The following CHRM3 variants were observed in gnomAD, a reference collection of about 807,000 sequenced individuals.
The protein encoded by CHRM3 is cholinergic receptor muscarinic 3.
CHRM3 carries 11 observed loss-of-function variants against 41.8 expected under a neutral mutation model. The observed-to-expected ratio is 0.26, with a 90% CI of 0.17 to 0.44. The LOEUF is 0.44. Among genes scored for constraint, CHRM3 ranks in the 20% least tolerant of loss-of-function variants. CHRM3 has a pLI of 1.00. For missense variants in CHRM3, 571 were observed against 745.4 expected (o/e 0.77, Z 2.72); for synonymous variants, 297 against 301.4 (o/e 0.99, Z 0.15).
At chr1:239,879,627 C>T (rs988818196) in intron 6 of CHRM3, among the ~76,000 whole-genome samples, 10 of 152,222 alleles carry the variant, frequency 6.6e-5, no homozygotes, top group African/African-American at 2.4e-4. Context: ...TCCCCACAGG[C>T]GTGAGCAGCC....
intron 1 of CHRM3, among the ~76,000 whole-genome samples, chr1:239,405,454 A>C (rs189785171): frequency 6.6e-6 from 1 of 152,296 alleles, no homozygotes; most frequent in Non-Finnish European, 1.5e-5. Flanking sequence ...AGTACTTGTA[A>C]GGGAATTTCT....
chr1:239,516,248 C>G (rs574386308), intron 2 of CHRM3, among the ~76,000 whole-genome samples: 4 of 152,096 alleles, frequency 2.6e-5, no homozygotes, highest in Non-Finnish European at 5.9e-5. Flanking sequence ...TATGCAAACA[C>G]ATTAAATAAA....
chr1:239,406,863 A>G (rs1019463511), intron 1 of CHRM3, among the ~76,000 whole-genome samples: 2 of 152,190 alleles, frequency 1.3e-5, no homozygotes, highest in Non-Finnish European at 2.9e-5. Context: ...TATAATCTAC[A>G]AATATGTTAA....
intron 1 of CHRM3, among the ~76,000 whole-genome samples, chr1:239,401,713 G>A (rs910264660): frequency 2.6e-5 from 4 of 152,014 alleles, no homozygotes; most frequent in East Asian, 1.9e-4. Flanking sequence ...GGATGGTCTC[G>A]ATCTCTTGAC....
chr1:239,813,795 T>C (rs957346668), intron 5 of CHRM3, among the ~76,000 whole-genome samples: 1 of 129,736 alleles, frequency 7.7e-6, no homozygotes, highest in Admixed American at 7.6e-5. Context: ...CGGGCGCCTG[T>C]AGTCCCAGCT....
intron 1 of CHRM3, among the ~76,000 whole-genome samples, chr1:239,447,809 T>A (rs1664262360): frequency 6.6e-6 from 1 of 152,098 alleles, no homozygotes; most frequent in Non-Finnish European, 1.5e-5. Context: ...ACAAAAACAT[T>A]TATTGAATTT....
chr1:239,907,362 T>C lies in CHRM3; in HGVS notation c.-19-71T>C. The C allele has an allele frequency of 8.6e-7, 1 of 1,168,648 alleles. No homozygotes were observed. The highest frequency in any genetic ancestry group is 1.2e-6 in the Non-Finnish European group (1 of 814,394). The allele number at this position is 1,168,648 out of a possible 1,614,324, so 72.4% of individuals were successfully genotyped here. On this transcript the variant is annotated intron_variant, in intron 6 of 6. Transcript: ENST00000676153. This position sits in a 1 kb window ranked among gnomAD's most constrained non-coding sequence, Gnocchi z 5.4. ...AATAGGCCTTCCATGTCTTTTAACGTATGTAATGCAAAGAACAAACAAATA... is the reference window on the plus strand; with the variant it reads ...AATAGGCCTTCCATGTCTTTTAACGCATGTAATGCAAAGAACAAACAAATA...
chr1:239,825,326 A>G (rs376294789), intron 5 of CHRM3, among the ~76,000 whole-genome samples: 1 of 152,190 alleles, frequency 6.6e-6, no homozygotes, highest in Non-Finnish European at 1.5e-5. Context: ...TTTTATGATG[A>G]TTATATGCAC....
chr1:239,514,188 A>T (rs1384054372), intron 2 of CHRM3, among the ~76,000 whole-genome samples: 2 of 152,042 alleles, frequency 1.3e-5, no homozygotes, highest in African/African-American at 4.8e-5. Context: ...TGGGATTCTG[A>T]TTGGCATTGC....
At chr1:239,673,673 T>G (rs1571938738) in intron 4 of CHRM3, among the ~76,000 whole-genome samples, 1 of 152,220 alleles carries the variant, frequency 6.6e-6, no homozygotes, top group African/African-American at 2.4e-5. Context: ...TTTCTGAGCA[T>G]CCTTTTAGTT....
At chr1:239,671,594 T>G (rs1012328414) in intron 4 of CHRM3, among the ~76,000 whole-genome samples, 8 of 152,076 alleles carry the variant, frequency 5.3e-5, no homozygotes, top group African/African-American at 1.4e-4. Flanking sequence ...AAGGCCCAGA[T>G]GCAGCTTTTC....
chr1:239,420,040 G>A (rs1661823602), intron 1 of CHRM3, among the ~76,000 whole-genome samples: 1 of 152,138 alleles, frequency 6.6e-6, no homozygotes. Context: ...GCATAACGAT[G>A]GTTTAAGACA....
chr1:239,652,162 C>A (rs1426410449), intron 4 of CHRM3, among the ~76,000 whole-genome samples: 8 of 152,096 alleles, frequency 5.3e-5, no homozygotes, highest in Non-Finnish European at 1.0e-4. Context: ...CGGTGTATAC[C>A]TTAAAATAAA....
intron 6 of CHRM3, among the ~76,000 whole-genome samples, chr1:239,877,513 C>T (rs1677206101): frequency 6.6e-6 from 1 of 152,078 alleles, no homozygotes; most frequent in Non-Finnish European, 1.5e-5. Context: ...TGTCAGTTTC[C>T]TTTTAGTTAA....
chr1:239,799,432 C>T (rs1217550574), intron 5 of CHRM3, among the ~76,000 whole-genome samples: 3 of 152,098 alleles, frequency 2.0e-5, no homozygotes, highest in East Asian at 3.9e-4. Flanking sequence ...GGATCGAACA[C>T]GCTGTTTTCG....
At chr1:239,433,441 C>G (rs1051395636) in intron 1 of CHRM3, among the ~76,000 whole-genome samples, 7 of 152,264 alleles carry the variant, frequency 4.6e-5, no homozygotes, top group African/African-American at 1.7e-4. Flanking sequence ...CGACTCATTT[C>G]TTGACTCAAC....
At chr1:239,445,672 G>A (rs569768987) in intron 1 of CHRM3, among the ~76,000 whole-genome samples, 1 of 152,252 alleles carries the variant, frequency 6.6e-6, no homozygotes, top group East Asian at 1.9e-4. Flanking sequence ...AGAAACTAAT[G>A]TTTATAAAAG....
intron 3 of CHRM3, among the ~76,000 whole-genome samples, chr1:239,597,076 GTAAA>G (rs1290110561): frequency 6.6e-6 from 1 of 152,068 alleles, no homozygotes; most frequent in African/African-American, 2.4e-5. Flanking sequence ...ACACAATTAT[GTAAA>G]TAAACCAAAA....
intron 4 of CHRM3, among the ~76,000 whole-genome samples, chr1:239,639,160 A>G (rs962814458): frequency 2.0e-5 from 3 of 152,230 alleles, no homozygotes; most frequent in African/African-American, 4.8e-5. Context: ...TGTTTTGGTT[A>G]CTGTAGCCTT....
Sources: gnomAD v4.1 joint callset for allele counts (sites outside exome capture counted in the v4.1 genomes callset) on GRCh38, gnomAD v4.1.1 for gene constraint, Gnocchi (gnomAD v3.1) non-coding constraint, MANE v1.5 for transcripts, NCBI Gene and HGNC (gene_info 2026-07-23, HGNC 2026-07-21) for gene names.